Variants in CLASP1 observed in about 807,000 individuals in gnomAD.
CLASP1 encodes the protein cytoplasmic linker associated protein 1.
Under a neutral mutation model 192.3 loss-of-function variants are expected in CLASP1, and 38 were observed. The observed-to-expected ratio is 0.20, with a 90% CI of 0.15 to 0.26. The LOEUF is 0.26. Among genes scored for constraint, CLASP1 ranks in the 10% least tolerant of loss-of-function variants. The probability of loss-of-function intolerance (pLI) is 1.00; values close to 1 mark genes in which losing one functional copy is unlikely to be tolerated. For missense variants in CLASP1, 1,433 were observed against 1,932.5 expected (o/e 0.74, Z 4.85); for synonymous variants, 691 against 712.8 (o/e 0.97, Z 0.49).
chr2:121,402,754 G>C (rs1371974879), intron 26 of CLASP1: 2 of 450,964 alleles, frequency 4.4e-6, no homozygotes, highest in African/African-American at 4.1e-5. Flanking sequence ...TTATGCTTAT[G>C]AGTTAAATCT....
intron 19 of CLASP1, among the ~76,000 whole-genome samples, chr2:121,430,679 A>G (rs2081242114): frequency 6.6e-6 from 1 of 152,216 alleles, no homozygotes; most frequent in Non-Finnish European, 1.5e-5. Context: ...CACAGAAGCT[A>G]TAGCTCCCCA....
chr2:121,596,641 T>G (rs1436881914), intron 2 of CLASP1, among the ~76,000 whole-genome samples: 1 of 152,140 alleles, frequency 6.6e-6, no homozygotes, highest in African/African-American at 2.4e-5. Context: ...ACCAAGGAAG[T>G]GCTAACCAGA....
chr2:121,371,274 A>C (rs2068646871), intron 34 of CLASP1, among the ~76,000 whole-genome samples: 1 of 152,006 alleles, frequency 6.6e-6, no homozygotes, highest in Admixed American at 6.6e-5. Context: ...TCTGTCACCC[A>C]AGCTGGAGTG....
chr2:121,364,766 A>G (rs981292150), intron 36 of CLASP1: 5 of 272,242 alleles, frequency 1.8e-5, no homozygotes, highest in South Asian at 1.1e-4. Context: ...CACAAGTAAA[A>G]AAGTACATCC....
In CLASP1 at chr2:121,615,339, CA is replaced by C. The variant is rs200046920; in HGVS notation, c.-285-9160del. Among the ~76,000 whole-genome samples the C allele has an allele frequency of 4.1e-5, 6 of 144,968 alleles. No homozygotes were observed. In the South Asian group the frequency reaches 1.3e-3, roughly 32 times the overall value. On this transcript the variant is annotated intron_variant, in intron 1 of 39. Coordinates refer to ENST00000263710, the Ensembl canonical transcript of CLASP1. ...GCGCGTCAGGAATGAGACTCCATCT[CA>C]AAAAAAACAAAAAAAAAATAGTTAC...
At chr2:121,373,356 C>T (rs1381534230) in intron 34 of CLASP1, among the ~76,000 whole-genome samples, 1 of 152,192 alleles carries the variant, frequency 6.6e-6, no homozygotes, top group Non-Finnish European at 1.5e-5. Flanking sequence ...GTCAATTAAA[C>T]CTCTTTTCTT....
intron 2 of CLASP1, among the ~76,000 whole-genome samples, chr2:121,549,952 G>A (rs1263034980): frequency 7.0e-6 from 1 of 143,448 alleles, no homozygotes; most frequent in Non-Finnish European, 1.5e-5. Context: ...CTTGCAGTGA[G>A]CCAAGATTGT....
chr2:121,406,869 G>T (rs1372885716), intron 25 of CLASP1, among the ~76,000 whole-genome samples: 2 of 151,900 alleles, frequency 1.3e-5, no homozygotes, highest in Non-Finnish European at 2.9e-5. Context: ...GGGATTACAG[G>T]TATGAGCCAC....
intron 1 of CLASP1, among the ~76,000 whole-genome samples, chr2:121,607,402 C>T (rs1027333720): frequency 6.6e-6 from 1 of 152,184 alleles, no homozygotes; most frequent in Admixed American, 6.5e-5. Flanking sequence ...TCTCCGCTGA[C>T]AATAGCACCA....
At chr2:121,636,251 G>A (rs1271512148) in intron 1 of CLASP1, among the ~76,000 whole-genome samples, 4 of 150,192 alleles carry the variant, frequency 2.7e-5, no homozygotes, top group South Asian at 2.1e-4. Context: ...CAGGAGACTC[G>A]CTTGAACCCA....
At chr2:121,563,956 G>A (rs541171439) in intron 2 of CLASP1, among the ~76,000 whole-genome samples, 16 of 152,294 alleles carry the variant, frequency 1.1e-4, no homozygotes, top group Middle Eastern at 3.4e-3. Flanking sequence ...CATGTCTTAC[G>A]TGGATGGCAA....
intron 20 of CLASP1, among the ~76,000 whole-genome samples, chr2:121,428,873 C>T (rs190096673): frequency 2.0e-4 from 30 of 152,242 alleles, no homozygotes; most frequent in Admixed American, 9.2e-4. Flanking sequence ...TCATTAAAAC[C>T]CCATGAGGGT....
intron 17 of CLASP1, among the ~76,000 whole-genome samples, chr2:121,448,575 T>C (rs1044039041): frequency 2.0e-5 from 3 of 152,166 alleles, no homozygotes; most frequent in Admixed American, 6.5e-5. Flanking sequence ...AGAGCAGAGA[T>C]GATAATATAT....
exon 35 of CLASP1, chr2:121,367,785 C>A (rs201624831): frequency 5.6e-6 from 9 of 1,613,788 alleles, no homozygotes; most frequent in East Asian, 4.5e-5. Context: ...TTCACTACCC[C>A]CCCGGCCCTC....
exon 20 of CLASP1, chr2:121,430,171 A>C (rs1249078288): frequency 6.4e-7 from 1 of 1,564,472 alleles, no homozygotes; most frequent in Non-Finnish European, 8.7e-7. Context: ...TCTTGTGCGG[A>C]TCCGACCTGG....
rs186515940 is a variant in CLASP1, at chr2:121,528,602, G to C, written c.378+75C>G. ...CTATGGAGTCACACCATTTGTGCAA[G>C]TACACACACACACCCTCGCACGTGC... On this transcript the variant is annotated intron_variant, in intron 4 of 39. Coordinates refer to ENST00000263710, the Ensembl canonical transcript of CLASP1. 9.2e-4 allele frequency: 1,026 copies of C among 1,115,542 alleles called. 6 individuals are homozygous for C. The African/African-American group carries it at 0.014, about 16-fold the overall frequency. The allele number at this position is 1,115,542 out of a possible 1,614,324, so 69.1% of individuals were successfully genotyped here. A position where few individuals can be genotyped will look rare whatever the true frequency, so the allele number is the denominator to read the frequency against.
chr2:121,610,753 T>G (rs1381327086), intron 1 of CLASP1, among the ~76,000 whole-genome samples: 51 of 85,118 alleles, frequency 6.0e-4, no homozygotes, highest in African/African-American at 7.4e-4. Context: ...GGAGGAAGAG[T>G]TACAGGAGGA....
At chr2:121,394,733 A>G (rs1288752705) in intron 30 of CLASP1, among the ~76,000 whole-genome samples, 9 of 152,144 alleles carry the variant, frequency 5.9e-5, no homozygotes, top group Admixed American at 5.9e-4. Context: ...TACAAAAATT[A>G]GCCGGGCATG....
intron 8 of CLASP1, among the ~76,000 whole-genome samples, chr2:121,490,002 C>A (rs1398237851): frequency 6.6e-6 from 1 of 152,170 alleles, no homozygotes; most frequent in Non-Finnish European, 1.5e-5. Flanking sequence ...AAATTAAAAG[C>A]CCATGAAATA....
Sources: allele counts gnomAD v4.1 joint callset (sites outside exome capture counted in the v4.1 genomes callset), GRCh38; gene constraint gnomAD v4.1.1; transcripts MANE v1.5; gene names NCBI Gene and HGNC (gene_info 2026-07-23, HGNC 2026-07-21).